The following NOS1AP variants were observed in gnomAD, a reference collection of about 807,000 sequenced individuals.
The protein encoded by NOS1AP is carboxyl-terminal PDZ ligand of neuronal nitric oxide synthase protein.
Under a neutral mutation model 56.2 loss-of-function variants are expected in NOS1AP, and 21 were observed. The ratio of observed to expected loss-of-function variants is 0.37; its 90% CI spans 0.26 to 0.54. The LOEUF (loss-of-function observed/expected upper bound fraction) is 0.54. Ranked by LOEUF, NOS1AP falls within the 20% of genes least tolerant of loss-of-function variation. NOS1AP has a pLI of 0.84. For missense variants in NOS1AP, 522 were observed against 657.8 expected (o/e 0.79, Z 2.26); for synonymous variants, 270 against 274.6 (o/e 0.98, Z 0.17).
chr1:162,087,837 G>T (rs776604358), intron 1 of NOS1AP, among the ~76,000 whole-genome samples: 4 of 152,096 alleles, frequency 2.6e-5, no homozygotes, highest in African/African-American at 9.7e-5. Context: ...CTCTCTTTGA[G>T]GCGTGGGAGG....
intron 2 of NOS1AP, among the ~76,000 whole-genome samples, chr1:162,234,293 C>T (rs777787720): frequency 1.3e-5 from 2 of 152,000 alleles, no homozygotes; most frequent in Admixed American, 6.6e-5. Context: ...TTTAAAGGAG[C>T]GAGGGTAGGA....
intron 5 of NOS1AP, among the ~76,000 whole-genome samples, chr1:162,341,148 A>G (rs934817812): frequency 6.6e-6 from 1 of 152,218 alleles, no homozygotes; most frequent in African/African-American, 2.4e-5. Flanking sequence ...GTCTAATCCC[A>G]TAGATCAGGG....
intron 5 of NOS1AP, among the ~76,000 whole-genome samples, chr1:162,335,550 G>A (rs1656910887): frequency 6.6e-6 from 1 of 152,186 alleles, no homozygotes; most frequent in South Asian, 2.1e-4. Context: ...CAAATCATAG[G>A]AATGCTTCAG....
Position 162,286,411 on chromosome 1 carries a change from C to A in NOS1AP, c.178-933C>A, listed in dbSNP as rs193227649. Among the ~76,000 whole-genome samples, 50 of 152,220 alleles carry A rather than the reference C, an allele frequency of 3.3e-4. 1 individual carries two copies. Among genetic ancestry groups the A allele is most frequent in the Admixed American group, 3.0e-3 (46 of 15,292 alleles). ...CCCAGATGTTTGATTGGAGAGCTTG[C>A]AAGTGAAGTTTGCTAGGCGGTGATA... is the stretch of plus-strand genomic sequence containing the variant. On this transcript the variant is annotated intron_variant, in intron 2 of 9. Coordinates refer to ENST00000361897, the MANE Select transcript of NOS1AP (RefSeq NM_014697.3).
intron 1 of NOS1AP, among the ~76,000 whole-genome samples, chr1:162,096,192 G>A (rs1290585424): frequency 2.0e-5 from 3 of 152,178 alleles, no homozygotes; most frequent in Non-Finnish European, 4.4e-5. Flanking sequence ...GATGGTAAAT[G>A]GAACATTAAT....
intron 1 of NOS1AP, among the ~76,000 whole-genome samples, chr1:162,080,589 G>A (rs1691863927): frequency 6.6e-6 from 1 of 152,174 alleles, no homozygotes; most frequent in African/African-American, 2.4e-5. Flanking sequence ...AGTGTGTTGG[G>A]GAGAGAGAAA....
rs1435306922 is a variant in NOS1AP at position 162,316,412 on chromosome 1, C to T, written c.344+15706C>T. The stretch of plus-strand genomic sequence containing the variant: ...CTAAGCAAAGCTGCCTTTGAAAATG[C>T]ACACCCTCCTTCCTCTGGTTGGCCG... On this transcript the variant is annotated intron_variant, in intron 4 of 9. Transcript: ENST00000361897. 2.0e-5 allele frequency among the ~76,000 whole-genome samples: 3 copies of T among 152,216 alleles called. No individual in the cohort carries two copies. In the East Asian group the frequency reaches 5.8e-4, roughly 29 times the overall value.
intron 4 of NOS1AP, among the ~76,000 whole-genome samples, chr1:162,301,822 T>G (rs1420759111): frequency 6.6e-6 from 1 of 152,212 alleles, no homozygotes; most frequent in Non-Finnish European, 1.5e-5. Flanking sequence ...GCCATGCTTT[T>G]GTTGACAAAG....
chr1:162,341,157 G>A (rs867311002), intron 5 of NOS1AP, among the ~76,000 whole-genome samples: 1 of 152,206 alleles, frequency 6.6e-6, no homozygotes, highest in South Asian at 2.1e-4. Flanking sequence ...CATAGATCAG[G>A]GACATTTGTT....
intron 2 of NOS1AP, among the ~76,000 whole-genome samples, chr1:162,240,818 A>C (rs952669893): frequency 6.6e-6 from 1 of 152,214 alleles, no homozygotes; most frequent in African/African-American, 2.4e-5. Context: ...TGGGGATTTC[A>C]CCTGGAGCAA....
rs1458323617 is a variant in NOS1AP, at chr1:162,312,427, GTTGT to G, written c.344+11728_344+11731del. The stretch of plus-strand genomic sequence containing the variant: ...TGTCCTTCGCCCACTTTTTGATGGG[GTTGT>G]TTGTTTTTTTCTTGTAAATTTGTTT... On this transcript the variant is annotated intron_variant, in intron 4 of 9. Transcript: ENST00000361897. 3.2e-5 allele frequency among the ~76,000 whole-genome samples: 4 copies of G among 126,130 alleles called. No homozygotes were observed. In the East Asian group the frequency reaches 7.0e-4, roughly 22 times the overall value. The allele number at this position is 126,130 out of a possible 152,430, so 82.7% of individuals were successfully genotyped here. A position where few individuals can be genotyped will look rare whatever the true frequency, so the allele number is the denominator to read the frequency against.
chr1:162,094,767 A>T (rs746708109), intron 1 of NOS1AP, among the ~76,000 whole-genome samples: 5 of 152,190 alleles, frequency 3.3e-5, no homozygotes, highest in Admixed American at 6.5e-5. Flanking sequence ...GCAAGTGTTG[A>T]CTTCTGTCCT....
At chr1:162,187,756 G>A (rs1336788223) in intron 2 of NOS1AP, among the ~76,000 whole-genome samples, 1 of 152,178 alleles carries the variant, frequency 6.6e-6, no homozygotes, top group African/African-American at 2.4e-5. Context: ...GCAAATTCTT[G>A]AGCTGGATCA....
chr1:162,349,112 G>A (rs185172173), intron 6 of NOS1AP, among the ~76,000 whole-genome samples: 4 of 152,044 alleles, frequency 2.6e-5, no homozygotes, highest in African/African-American at 4.8e-5. Context: ...GCTTGAACCC[G>A]GGAGGTGGAG....
At chr1:162,132,002 T>C (rs545823454) in intron 1 of NOS1AP, among the ~76,000 whole-genome samples, 18 of 152,340 alleles carry the variant, frequency 1.2e-4, no homozygotes, top group African/African-American at 3.6e-4. Context: ...TTTGAAACTG[T>C]AAACTGCACA....
chr1:162,203,990 G>GCTT, intron 2 of NOS1AP, among the ~76,000 whole-genome samples: 1 of 152,292 alleles, frequency 6.6e-6, no homozygotes. Flanking sequence ...TTCAGCCTAG[G>GCTT]CTTAGATTTA....
rs569875960 is a variant in NOS1AP, at chr1:162,143,383, G to C, written c.106-11022G>C. The stretch of plus-strand genomic sequence containing the variant: ...CTATTATGGTAAAGCTACAAATTCT[G>C]TACCTTCAGGATCTTCTTGGCTCAC... On this transcript the variant is annotated intron_variant, in intron 1 of 9. Transcript: ENST00000361897. Among the ~76,000 whole-genome samples, 42 of 152,178 alleles carry C rather than the reference G, an allele frequency of 2.8e-4. 1 individual carries two copies. Among genetic ancestry groups the C allele is most frequent in the African/African-American group, 9.6e-4 (40 of 41,510 alleles).
At chr1:162,160,478 C>T (rs1023930235) in intron 2 of NOS1AP, among the ~76,000 whole-genome samples, 6 of 152,144 alleles carry the variant, frequency 3.9e-5, no homozygotes, top group East Asian at 1.9e-4. Context: ...GGTGGACGGG[C>T]GGCTTTATGG....
chr1:162,104,793 A>G (rs541913717), intron 1 of NOS1AP, among the ~76,000 whole-genome samples: 1 of 152,152 alleles, frequency 6.6e-6, no homozygotes, highest in South Asian at 2.1e-4. Context: ...TATTGTGGCT[A>G]TCAGCTCCTG....
Sources: gnomAD v4.1 joint callset for allele counts (sites outside exome capture counted in the v4.1 genomes callset) on GRCh38, gnomAD v4.1.1 for gene constraint, MANE v1.5 for transcripts, NCBI Gene and HGNC (gene_info 2026-07-23, HGNC 2026-07-21) for gene names.